Variants in SLC6A11 observed in about 807,000 individuals in gnomAD.
The protein encoded by SLC6A11 is solute carrier family 6 member 11.
A neutral mutation model predicts 74.8 loss-of-function variants in SLC6A11; 25 were observed. The observed-to-expected ratio is 0.33, with a 90% CI of 0.24 to 0.47. The LOEUF (loss-of-function observed/expected upper bound fraction) is 0.47. SLC6A11 is among the 20% of genes least tolerant of loss of function. The probability of loss-of-function intolerance (pLI) is 1.00; values close to 1 mark genes in which losing one functional copy is unlikely to be tolerated. For synonymous variants in SLC6A11, 330 were observed against 330.2 expected, an observed-to-expected ratio of 1.00 and a Z score of 0.01; for missense variants, 574 against 837.0, an observed-to-expected ratio of 0.69 and a Z score of 3.88.
chr3:10,912,816 T>C (rs752186708), intron 7 of SLC6A11, among the ~76,000 whole-genome samples: 2 of 151,968 alleles, frequency 1.3e-5, no homozygotes, highest in Non-Finnish European at 2.9e-5. Context: ...CACCCAGCTC[T>C]GTGTGGTGGA....
At chr3:10,931,577 T>C (rs1284934387) in intron 10 of SLC6A11, among the ~76,000 whole-genome samples, 3 of 152,288 alleles carry the variant, frequency 2.0e-5, no homozygotes, top group East Asian at 1.9e-4. Flanking sequence ...CTGTGTTTTT[T>C]AAAAACACGA....
intron 6 of SLC6A11, among the ~76,000 whole-genome samples, chr3:10,883,051 C>T (rs1016053568): frequency 2.8e-5 from 4 of 141,504 alleles, no homozygotes; most frequent in Admixed American, 1.4e-4. Context: ...CCCAAGGGGG[C>T]GGGGGGCGGG....
At chr3:10,883,136 A>G (rs1342237565) in intron 6 of SLC6A11, among the ~76,000 whole-genome samples, 1 of 152,166 alleles carries the variant, frequency 6.6e-6, no homozygotes, top group African/African-American at 2.4e-5. Context: ...TCTCGTCAAG[A>G]ACTTGAAGCG....
At chr3:10,888,711 G>T (rs1176146084) in intron 6 of SLC6A11, among the ~76,000 whole-genome samples, 3 of 152,218 alleles carry the variant, frequency 2.0e-5, no homozygotes, top group Non-Finnish European at 4.4e-5. Flanking sequence ...GCAGGGGCTG[G>T]TGAGAACCTT....
intron 6 of SLC6A11, among the ~76,000 whole-genome samples, chr3:10,904,059 G>A (rs1397282349): frequency 6.6e-6 from 1 of 152,280 alleles, no homozygotes; most frequent in Non-Finnish European, 1.5e-5. Flanking sequence ...AGGGCAGTGT[G>A]TGGAACACAC....
At chr3:10,865,421 T>G (rs1053775109) in intron 5 of SLC6A11, among the ~76,000 whole-genome samples, 8 of 152,190 alleles carry the variant, frequency 5.3e-5, no homozygotes, top group African/African-American at 1.4e-4. Context: ...CCCAGCACTT[T>G]GGGAGGCCGA....
intron 3 of SLC6A11, among the ~76,000 whole-genome samples, chr3:10,821,989 A>G (rs149934778): frequency 6.6e-6 from 1 of 152,288 alleles, no homozygotes; most frequent in Non-Finnish European, 1.5e-5. Flanking sequence ...CTCCTTTCAG[A>G]ACATAGTTAG....
chr3:10,935,303 C>A, intron 13 of SLC6A11, 104 bp downstream of exon 13: 1 of 1,019,454 alleles, frequency 9.8e-7, no homozygotes, highest in Non-Finnish European at 1.5e-6. Context: ...GCCCACCTGC[C>A]TCAAGGGGAC....
chr3:10,850,963 C>T (rs2106589520), intron 5 of SLC6A11, among the ~76,000 whole-genome samples: 1 of 152,240 alleles, frequency 6.6e-6, no homozygotes, highest in African/African-American at 2.4e-5. Context: ...TTCTGCAGGG[C>T]CTGGTTCCAT....
intron 1 of SLC6A11, among the ~76,000 whole-genome samples, chr3:10,818,319 T>A (rs558853977): frequency 3.2e-4 from 49 of 152,296 alleles, no homozygotes; most frequent in African/African-American, 1.1e-3. Flanking sequence ...GCAGCTGATT[T>A]TAATCACTTA....
chr3:10,929,850 G>T (rs1369204978), intron 10 of SLC6A11, among the ~76,000 whole-genome samples: 1 of 152,140 alleles, frequency 6.6e-6, no homozygotes. Flanking sequence ...GGGCTTGCAG[G>T]TTAGGAGAGG....
intron 4 of SLC6A11, among the ~76,000 whole-genome samples, chr3:10,842,718 G>A (rs979222415): frequency 6.6e-5 from 10 of 152,082 alleles, no homozygotes; most frequent in Non-Finnish European, 1.3e-4. Flanking sequence ...TGCCTAGTAG[G>A]TGCTCAGTAA....
chr3:10,899,415 T>C (rs1343747372), intron 6 of SLC6A11, among the ~76,000 whole-genome samples: 1 of 152,254 alleles, frequency 6.6e-6, no homozygotes, highest in Non-Finnish European at 1.5e-5. Context: ...TGGAATTGAG[T>C]AATATCTTCC....
intron 5 of SLC6A11, among the ~76,000 whole-genome samples, chr3:10,845,863 A>G (rs1308884624): frequency 2.6e-5 from 4 of 152,162 alleles, no homozygotes; most frequent in African/African-American, 4.8e-5. Context: ...TTATTGATCT[A>G]CTTCTTCAGA....
rs1559567216 is a variant in SLC6A11, at chr3:10,873,965, A to ACGC, written c.757-996_757-995insCGC. ...ATGCTATCCTATGCTATGCTACGCT[A>ACGC]TGCTATGCTACGCTACGCTACGCTA... On this transcript the variant is annotated intron_variant, in intron 5 of 13. Coordinates refer to ENST00000254488, the MANE Select transcript of SLC6A11 (RefSeq NM_014229.3). Among the ~76,000 whole-genome samples the ACGC allele has an allele frequency of 2.7e-3, 387 of 141,792 alleles. 4 individuals carry two copies. The highest frequency in any genetic ancestry group is 4.2e-3 in the Non-Finnish European group (283 of 67,830). 93.0% of individuals were successfully genotyped at this position (141,792 alleles called of 152,430 possible).
chr3:10,937,890 G>C (rs1374067936), intron 13 of SLC6A11, among the ~76,000 whole-genome samples: 1 of 152,192 alleles, frequency 6.6e-6, no homozygotes, highest in African/African-American at 2.4e-5. Context: ...TCACACCCCA[G>C]CTTCTCAGTG....
At chr3:10,895,621 T>C (rs1559575022) in intron 6 of SLC6A11, among the ~76,000 whole-genome samples, 1 of 152,142 alleles carries the variant, frequency 6.6e-6, no homozygotes. Context: ...AGGGAGAGCA[T>C]CAGGATAAAT....
intron 6 of SLC6A11, among the ~76,000 whole-genome samples, chr3:10,896,054 G>T (rs1363017080): frequency 6.6e-6 from 1 of 152,224 alleles, no homozygotes; most frequent in Non-Finnish European, 1.5e-5. Flanking sequence ...GGTTCCTTAA[G>T]GTCTGTCCAC....
rs1695495332 is a variant in SLC6A11, at chr3:10,918,857, T to G, written c.1120+404T>G. Among the ~76,000 whole-genome samples the G allele has an allele frequency of 6.6e-6, 1 of 152,038 alleles. No individual in the cohort carries two copies. The highest frequency in any genetic ancestry group is 6.5e-5 in the Admixed American group (1 of 15,270). The stretch of plus-strand genomic sequence containing the variant: ...ATTTTTTTTTTTCAAAATGCAAATT[T>G]GAACATGTCTTCTCTGATGAAAAGC... On this transcript the variant is annotated intron_variant, in intron 8 of 13. Transcript: ENST00000254488. This position sits in a 1 kb window ranked among gnomAD's most constrained non-coding sequence, Gnocchi z 4.5.
Sources: allele counts gnomAD v4.1 joint callset (sites outside exome capture counted in the v4.1 genomes callset), GRCh38; gene constraint gnomAD v4.1.1; non-coding constraint Gnocchi (gnomAD v3.1); transcripts MANE v1.5; gene names NCBI Gene and HGNC (gene_info 2026-07-23, HGNC 2026-07-21).